IRGM: variants seen among roughly 807,000 people sequenced by gnomAD.
The protein encoded by IRGM is immunity-related GTPase family M protein.
For missense variants in IRGM, 288 were observed against 219.9 expected, an observed-to-expected ratio of 1.31 and a Z score of -1.96; for synonymous variants, 98 against 80.6, an observed-to-expected ratio of 1.22 and a Z score of -1.16.
At chr5:150,877,096 G>A (rs1754376096) in intron 1 of IRGM, among the ~76,000 whole-genome samples, 1 of 152,120 alleles carries the variant, frequency 6.6e-6, no homozygotes, top group South Asian at 2.1e-4. Flanking sequence ...CCTTATTATT[G>A]TCTTTGTTTG....
At position 150,877,155 on chromosome 5, in the gene IRGM, G is replaced by A. The variant is rs183197953; in HGVS notation, c.159-825G>A. Among the ~76,000 whole-genome samples the A allele has an allele frequency of 3.9e-3, 590 of 152,258 alleles. 8 individuals carry two copies. Among genetic ancestry groups the A allele is most frequent in the African/African-American group, 0.013 (558 of 41,556 alleles). ...ATGTATATGGGTTCAAGTTGACAAGGGGAGGACTTGTGATGGTTAATATTG... is the reference window on the plus strand; with the variant it reads ...ATGTATATGGGTTCAAGTTGACAAGAGGAGGACTTGTGATGGTTAATATTG... On this transcript the variant is annotated intron_variant and NMD_transcript_variant, in intron 1 of 3. Transcript: ENST00000520549.
At chr5:150,892,294 C>T (rs540030365) in intron 3 of IRGM, among the ~76,000 whole-genome samples, 9 of 140,240 alleles carry the variant, frequency 6.4e-5, no homozygotes, top group South Asian at 2.2e-4. Context: ...ATTCAGAAAA[C>T]GGTGTGGAAG....
chr5:150,873,107 A>G (rs2880792), intron 1 of IRGM, among the ~76,000 whole-genome samples: 30,838 of 152,074 alleles, frequency 0.2, 4,937 homozygotes, highest in East Asian at 0.43. Context: ...CATAGCTACC[A>G]TAATGGACAG....
intron 3 of IRGM, chr5:150,900,480 G>T (rs1433974336): frequency 6.6e-6 from 1 of 151,976 alleles, no homozygotes; most frequent in Non-Finnish European, 1.5e-5. Context: ...AACAGTACCT[G>T]CTCCCATGTC....
chr5:150,849,295 G>A (rs536517917), downstream of IRGM, among the ~76,000 whole-genome samples: 4 of 152,238 alleles, frequency 2.6e-5, no homozygotes, highest in South Asian at 4.1e-4. Flanking sequence ...TTAAACTATG[G>A]TTTGTAAGTA....
chr5:150,887,760 C>T (rs80263191), intron 3 of IRGM, among the ~76,000 whole-genome samples: 5,813 of 151,858 alleles, frequency 0.038, 174 homozygotes, highest in East Asian at 0.16. Context: ...CAGCTGAAAC[C>T]TTACAAGCCA....
chr5:150,884,334 G>A (rs1487406669), intron 3 of IRGM, among the ~76,000 whole-genome samples: 2 of 151,930 alleles, frequency 1.3e-5, no homozygotes, highest in African/African-American at 4.8e-5. Flanking sequence ...TGAGCATTTA[G>A]GTTGATTCCA....
At chr5:150,896,015 C>A (rs76474888) in intron 3 of IRGM, 3 of 1,613,274 alleles carry the variant, frequency 1.9e-6, no homozygotes, top group Admixed American at 1.7e-5. Context: ...TACACTCATA[C>A]GGCTTCTCTC....
At chr5:150,892,554 A>G (rs992601196) in intron 3 of IRGM, among the ~76,000 whole-genome samples, 2 of 151,988 alleles carry the variant, frequency 1.3e-5, no homozygotes, top group Admixed American at 1.3e-4. Flanking sequence ...TTGCAAGCCC[A>G]CTCCCTACTT....
intron 3 of IRGM, among the ~76,000 whole-genome samples, chr5:150,884,853 C>T (rs915582337): frequency 7.2e-5 from 11 of 152,042 alleles, no homozygotes; most frequent in Non-Finnish European, 1.5e-4. Flanking sequence ...ATATTTTCTC[C>T]ACCCTGTAGG....
intron 3 of IRGM, chr5:150,894,614 A>T (rs1329556017): frequency 6.6e-6 from 1 of 152,302 alleles, no homozygotes; most frequent in Non-Finnish European, 1.5e-5. Flanking sequence ...ATGCTTCAAG[A>T]TAGAGAGTAA....
chr5:150,867,349 T>C (rs1257287083), intron 1 of IRGM, among the ~76,000 whole-genome samples: 10 of 152,144 alleles, frequency 6.6e-5, no homozygotes, highest in Admixed American at 6.6e-4. Context: ...CTGAGTAGTA[T>C]TCCATGGTAT....
intron 3 of IRGM, among the ~76,000 whole-genome samples, chr5:150,890,798 TGATTTCTAATGAATTAAATTA>T (rs1340651512): frequency 6.6e-6 from 1 of 152,086 alleles, no homozygotes; most frequent in East Asian, 1.9e-4. Context: ...CTAATGTAAT[TGATTTCTAATGAATTAAATTA>T]GAATCACATG....
At chr5:150,897,009 CAA>C (rs778885409) in intron 3 of IRGM, 318 of 1,517,708 alleles carry the variant, frequency 2.1e-4, no homozygotes, top group Non-Finnish European at 2.8e-4. Flanking sequence ...AGAGTCATCA[CAA>C]GAGTCAATTA....
intron 1 of IRGM, among the ~76,000 whole-genome samples, chr5:150,857,890 A>T (rs1021382665): frequency 3.3e-5 from 5 of 150,788 alleles, no homozygotes; most frequent in African/African-American, 1.2e-4. Flanking sequence ...GTTCACTCTG[A>T]TGGTAGTTTC....
chr5:150,884,699 G>C (rs891512745), intron 3 of IRGM, among the ~76,000 whole-genome samples: 5 of 152,014 alleles, frequency 3.3e-5, no homozygotes, highest in Admixed American at 2.6e-4. Flanking sequence ...AAATATGATT[G>C]TTGGCCACAT....
At position 150,896,385 on chromosome 5, in the gene IRGM, A is replaced by G. The variant is rs562298618; in HGVS notation, c.*141-4204A>G. 2.1e-5 allele frequency: 34 copies of G among 1,613,652 alleles called. No individual in the cohort carries two copies. The South Asian group carries it at 3.6e-4, about 17-fold the overall frequency. The stretch of plus-strand genomic sequence containing the variant: ...TCCAGTATGAATTCTTTGATGTACA[A>G]TGAGTTGTGACTTCTTAGCAAAGGC... On this transcript the variant is annotated intron_variant and NMD_transcript_variant, in intron 3 of 3. Coordinates refer to the IRGM transcript ENST00000520549.
chr5:150,848,604 C>G lies in IRGM; in HGVS notation c.481C>G (p.Gln161Glu), dbSNP rs1363769169. 2.6e-6 allele frequency: 4 copies of G among 1,550,898 alleles called. No individual in the cohort carries two copies. Among genetic ancestry groups the G allele is most frequent in the Non-Finnish European group, 8.7e-7 (1 of 1,146,236 alleles). ...CAGCACAGGTGCCCTCCCAGAAGTG[C>G]AGCTACTGCAGATCAGAGAAAATGT... Reference protein sequence around the residue: ...DLSTGALPEVQLLQIRENVLE... With the variant: ...DLSTGALPEVELLQIRENVLE... The change falls in exon 2 of 2, where the codon CAG becomes GAG. Residue 161 changes from glutamine to glutamate, a missense_variant. Coordinates refer to ENST00000522154, the MANE Select transcript of IRGM (RefSeq NM_001145805.2).
intron 1 of IRGM, chr5:150,877,851 A>C (rs1231694917): frequency 2.7e-6 from 1 of 375,888 alleles, no homozygotes; most frequent in African/African-American, 2.1e-5. Context: ...TAGGTGTTTT[A>C]GTTTCCTAGT....
Sources: allele counts gnomAD v4.1 joint callset (sites outside exome capture counted in the v4.1 genomes callset), GRCh38; gene constraint gnomAD v4.1.1; transcripts MANE v1.5; gene names NCBI Gene and HGNC (gene_info 2026-07-23, HGNC 2026-07-21).